Variants in ABR observed in about 807,000 individuals in gnomAD.
The protein encoded by ABR is ABR activator of RhoGEF and GTPase, also known as active breakpoint cluster region-related protein.
ABR carries 35 observed loss-of-function variants against 107.2 expected under a neutral mutation model. That is an observed-to-expected ratio of 0.33 (90% CI 0.25 to 0.43). ABR has a LOEUF of 0.43. ABR is among the 20% of genes least tolerant of loss of function. The pLI is 1.00. For missense variants in ABR, 815 were observed against 1,115.2 expected (o/e 0.73, Z 3.83); for synonymous variants, 498 against 462.0 (o/e 1.08, Z -1.00).
rs2032392218 is a variant in ABR at position 1,050,752 on chromosome 17, G to A, written c.1562-118C>T. The A allele has an allele frequency of 5.0e-6, 4 of 804,044 alleles. No homozygotes were observed. Among genetic ancestry groups the A allele is most frequent in the East Asian group, 2.6e-5 (1 of 37,956 alleles). 49.8% of individuals were successfully genotyped at this position (804,044 alleles called of 1,614,324 possible). On this transcript the variant is annotated intron_variant, in intron 14 of 22. Transcript: ENST00000302538. The surrounding 1 kb of genome is among the most constrained non-coding windows in gnomAD (Gnocchi z 4.6). Reference sequence around the variant, plus strand: ...GTCCTTTCCAACGTCCCCACGGATGGCATCTTGGCTCTCTCCTCCCTGAAG... The same window carrying A: ...GTCCTTTCCAACGTCCCCACGGATGACATCTTGGCTCTCTCCTCCCTGAAG...
intron 4 of ABR, among the ~76,000 whole-genome samples, chr17:1,091,233 G>A (rs1032449258): frequency 1.3e-5 from 2 of 152,138 alleles, no homozygotes; most frequent in Non-Finnish European, 2.9e-5. Flanking sequence ...ACAGGAGACT[G>A]AAGCCCAGCA....
chr17:1,068,726 C>A (rs1017243413), intron 9 of ABR, among the ~76,000 whole-genome samples: 1 of 152,120 alleles, frequency 6.6e-6, no homozygotes, highest in Non-Finnish European at 1.5e-5. Flanking sequence ...TCCCACCCTC[C>A]CGGGTAGAGA....
At chr17:1,194,725 C>T (rs2150702184) in intron 1 of ABR, among the ~76,000 whole-genome samples, 1 of 124,808 alleles carries the variant, frequency 8.0e-6, no homozygotes, top group East Asian at 3.8e-4. Flanking sequence ...GCGGTCTCAG[C>T]TCACTGCAAC....
chr17:1,052,122 G>A (rs1198038823), intron 14 of ABR, among the ~76,000 whole-genome samples: 1 of 151,980 alleles, frequency 6.6e-6, no homozygotes, highest in African/African-American at 2.4e-5. Context: ...GGACAGTGCA[G>A]CTACCCCAAG....
intron 9 of ABR, among the ~76,000 whole-genome samples, chr17:1,068,712 C>T (rs1359633435): frequency 6.6e-6 from 1 of 152,100 alleles, no homozygotes; most frequent in Non-Finnish European, 1.5e-5. Flanking sequence ...GCTTGGGGTT[C>T]CAGTCCCACC....
At chr17:1,096,555 G>A (rs1006499782) in intron 3 of ABR, among the ~76,000 whole-genome samples, 1 of 152,170 alleles carries the variant, frequency 6.6e-6, no homozygotes, top group African/African-American at 2.4e-5. Context: ...GCTGTGGAGG[G>A]TCCTACTCCT....
At chr17:1,135,342 T>C (rs1260317006) in intron 1 of ABR, among the ~76,000 whole-genome samples, 1 of 151,900 alleles carries the variant, frequency 6.6e-6, no homozygotes, top group Non-Finnish European at 1.5e-5. Flanking sequence ...TTGCTGAATA[T>C]TGCTAACTTT....
chr17:1,183,690 C>T (rs1043537932), upstream of ABR, among the ~76,000 whole-genome samples: 1 of 152,116 alleles, frequency 6.6e-6, no homozygotes, highest in African/African-American at 2.4e-5. Context: ...GACAGGAAGG[C>T]CCCAGGAGTC....
At chr17:1,086,931 A>AC (rs1260366417) in intron 4 of ABR, among the ~76,000 whole-genome samples, 2 of 148,626 alleles carry the variant, frequency 1.3e-5, no homozygotes, top group South Asian at 4.2e-4. Flanking sequence ...ACATAGCAAG[A>AC]CCTTTTTTTT....
intron 4 of ABR, 80 bp from the exon 5 acceptor site, chr17:1,083,707 G>C: frequency 8.5e-7 from 1 of 1,178,194 alleles, no homozygotes; most frequent in Non-Finnish European, 1.3e-6. Context: ...GCTTCACGGA[G>C]CACCGGGAGC....
chr17:1,146,830 ACACCACTGCCACCAGGC>A lies in ABR; in HGVS notation c.62-21480_62-21464del, dbSNP rs2040567376. ...GCCACCAGGCCACCACTGCCACACG[ACACCACTGCCACCAGGC>A]CACCACTGCCACCACTGCCACCATT... On this transcript the variant is annotated intron_variant, in intron 1 of 22. Coordinates refer to ENST00000302538, the MANE Select transcript of ABR (RefSeq NM_021962.5). 4.0e-5 allele frequency among the ~76,000 whole-genome samples: 5 copies of A among 123,958 alleles called. No homozygotes were observed. The South Asian group carries it at 1.2e-3, about 29-fold the overall frequency. The allele number at this position is 123,958 out of a possible 152,430, so 81.3% of individuals were successfully genotyped here.
intron 6 of ABR, among the ~76,000 whole-genome samples, chr17:1,077,485 C>T (rs1315320612): frequency 6.6e-6 from 1 of 152,168 alleles, no homozygotes; most frequent in East Asian, 1.9e-4. Context: ...CTCCTCTGAT[C>T]GCTGACCAGG....
intron 1 of ABR, among the ~76,000 whole-genome samples, chr17:1,203,632 G>A (rs2042730589): frequency 6.6e-6 from 1 of 152,166 alleles, no homozygotes. Context: ...CCGCTGCGAG[G>A]AGCCCGGCGA....
intron 16 of ABR, among the ~76,000 whole-genome samples, chr17:1,039,286 C>T (rs2073434694): frequency 6.6e-6 from 1 of 152,054 alleles, no homozygotes; most frequent in East Asian, 1.9e-4. Flanking sequence ...GGGGAGCCGA[C>T]TCACACCTCC....
At chr17:1,075,765 G>A (rs1231887259) in intron 6 of ABR, among the ~76,000 whole-genome samples, 1 of 152,134 alleles carries the variant, frequency 6.6e-6, no homozygotes, top group East Asian at 1.9e-4. Flanking sequence ...CGAGGGGCCG[G>A]GCAGGGTGGC....
intron 1 of ABR, among the ~76,000 whole-genome samples, chr17:1,185,930 G>T (rs1331462928): frequency 6.6e-6 from 1 of 151,518 alleles, no homozygotes; most frequent in South Asian, 2.1e-4. Context: ...CTGCCTCCTG[G>T]GTTCAAGCGA....
At chr17:1,140,818 A>T (rs1316752774) in intron 1 of ABR, among the ~76,000 whole-genome samples, 1 of 151,938 alleles carries the variant, frequency 6.6e-6, no homozygotes, top group Non-Finnish European at 1.5e-5. Flanking sequence ...CCTGACCTCA[A>T]GTGATCCGCC....
chr17:1,212,007 G>A (rs553326492), intron 1 of ABR, among the ~76,000 whole-genome samples: 5 of 151,810 alleles, frequency 3.3e-5, no homozygotes, highest in South Asian at 2.1e-4. Context: ...GCTTGAACTC[G>A]GGAGGTGGAG....
intron 2 of ABR, chr17:1,100,972 T>TGC: frequency 1.8e-6 from 1 of 549,308 alleles, no homozygotes; most frequent in Non-Finnish European, 3.3e-6. Context: ...TACAGGCACC[T>TGC]GCCACCATGC....
Sources: allele counts gnomAD v4.1 joint callset (sites outside exome capture counted in the v4.1 genomes callset), GRCh38; gene constraint gnomAD v4.1.1; non-coding constraint Gnocchi (gnomAD v3.1); transcripts MANE v1.5; gene names NCBI Gene and HGNC (gene_info 2026-07-23, HGNC 2026-07-21).